Variants in TAF4B observed in about 807,000 individuals in gnomAD.
TAF4B encodes the protein TATA-box binding protein associated factor 4b.
Under a neutral mutation model 86.4 loss-of-function variants are expected in TAF4B, and 38 were observed. The observed-to-expected ratio is 0.44, with a 90% CI of 0.34 to 0.58. TAF4B has a LOEUF of 0.58. Among genes scored for constraint, TAF4B ranks in the 20% least tolerant of loss-of-function variants. TAF4B has a pLI of 0.02. For synonymous variants in TAF4B, 388 were observed against 391.2 expected (o/e 0.99, Z 0.10); for missense variants, 988 against 1,027.6 (o/e 0.96, Z 0.53).
chr18:26,233,557 A>T (rs1464961056), intron 1 of TAF4B, among the ~76,000 whole-genome samples: 1 of 152,260 alleles, frequency 6.6e-6, no homozygotes, highest in East Asian at 1.9e-4. Context: ...AATTATGCTG[A>T]TGGGATAGTA....
chr18:26,357,064 G>T (rs1403135208), intron 13 of TAF4B, among the ~76,000 whole-genome samples: 1 of 152,138 alleles, frequency 6.6e-6, no homozygotes, highest in Non-Finnish European at 1.5e-5. Flanking sequence ...AAAGTGTGAT[G>T]TACTAAAGAG....
At chr18:26,366,277 G>A (rs2057370764) in intron 14 of TAF4B, 1 of 152,134 alleles carries the variant, frequency 6.6e-6, no homozygotes, top group Non-Finnish European at 1.5e-5. Flanking sequence ...GTTTTCCAAT[G>A]CCAACATTTT....
At chr18:26,246,679 G>T (rs1025962650) in intron 1 of TAF4B, among the ~76,000 whole-genome samples, 3 of 150,708 alleles carry the variant, frequency 2.0e-5, no homozygotes, top group Non-Finnish European at 4.4e-5. Context: ...GACAACAGGT[G>T]TGTGCCACCA....
rs76158211 is a variant in TAF4B at position 26,383,039 on chromosome 18, T to C, written c.2422-6806T>C. ...AAGAGAGAATGCTATGTGCAATTAA[T>C]TGTCTGTATCAAAAAGGAAAAATAT... On this transcript the variant is annotated intron_variant, in intron 14 of 14. Coordinates refer to ENST00000269142, the MANE Select transcript of TAF4B (RefSeq NM_005640.3). 3.7e-3 allele frequency among the ~76,000 whole-genome samples: 556 copies of C among 152,200 alleles called. 1 individual carries two copies. Among genetic ancestry groups the C allele is most frequent in the Non-Finnish European group, 7.0e-3 (474 of 67,992 alleles).
At chr18:26,302,371 A>ATTTTTTTTT (rs66683595) in intron 9 of TAF4B, among the ~76,000 whole-genome samples, 25 of 93,066 alleles carry the variant, frequency 2.7e-4, no homozygotes, top group Admixed American at 4.2e-4. Flanking sequence ...TTCATATTAA[A>ATTTTTTTTT]TTTTTTTTTT....
intron 10 of TAF4B, among the ~76,000 whole-genome samples, chr18:26,318,004 A>G (rs1033948054): frequency 5.9e-5 from 9 of 152,166 alleles, no homozygotes; most frequent in Non-Finnish European, 1.0e-4. Flanking sequence ...CAATAAGGGA[A>G]CAACTATTTG....
At chr18:26,303,245 A>ACTCCCTCCACTTTCATC (rs2056758546) in intron 9 of TAF4B, among the ~76,000 whole-genome samples, 1 of 71,354 alleles carries the variant, frequency 1.4e-5, no homozygotes, top group Non-Finnish European at 2.8e-5. Flanking sequence ...CCACTTTCAT[A>ACTCCCTCCACTTTCATC]CTCCCTCCAC....
At position 26,385,062 on chromosome 18, in the gene TAF4B, TCA is replaced by T. The variant is rs568521695; in HGVS notation, c.2422-4781_2422-4780del. Among the ~76,000 whole-genome samples, 15 of 152,194 alleles carry T rather than the reference TCA, an allele frequency of 9.9e-5. 1 individual carries two copies. The South Asian group carries it at 3.1e-3, about 32-fold the overall frequency. On this transcript the variant is annotated intron_variant, in intron 14 of 14. Transcript: ENST00000269142. ...CTTGGGAGGAGAGGCCCGTATGGAG[TCA>T]CTGCAAACCCCAACAGGATTCCCGA...
At chr18:26,307,169 G>A (rs1568143018) in intron 9 of TAF4B, among the ~76,000 whole-genome samples, 2 of 152,048 alleles carry the variant, frequency 1.3e-5, no homozygotes, top group South Asian at 2.1e-4. Flanking sequence ...AAATAGTAGC[G>A]AATAATATTA....
At chr18:26,229,290 AT>A (rs2055625823) in intron 1 of TAF4B, among the ~76,000 whole-genome samples, 1 of 152,160 alleles carries the variant, frequency 6.6e-6, no homozygotes, top group Admixed American at 6.5e-5. Context: ...GTCTTTAGGA[AT>A]TGGTCGTTAT....
At chr18:26,294,348 G>GT (rs2056634627) in intron 9 of TAF4B, among the ~76,000 whole-genome samples, 1 of 151,744 alleles carries the variant, frequency 6.6e-6, no homozygotes, top group Non-Finnish European at 1.5e-5. Flanking sequence ...TATTATTGTG[G>GT]TTTTAGTTTG....
chr18:26,278,552 T>C (rs1413254518), intron 5 of TAF4B, among the ~76,000 whole-genome samples: 2 of 152,012 alleles, frequency 1.3e-5, no homozygotes, highest in Non-Finnish European at 2.9e-5. Flanking sequence ...CAAGCGATCC[T>C]GCACCCTTGG....
intron 13 of TAF4B, among the ~76,000 whole-genome samples, chr18:26,351,505 G>C (rs2057245983): frequency 6.6e-6 from 1 of 152,162 alleles, no homozygotes; most frequent in Non-Finnish European, 1.5e-5. Context: ...GGAGGCTAGT[G>C]AATGTTCTTA....
chr18:26,228,445 G>A (rs531233695), intron 1 of TAF4B, among the ~76,000 whole-genome samples: 1 of 152,212 alleles, frequency 6.6e-6, no homozygotes, highest in African/African-American at 2.4e-5. Flanking sequence ...AATTGTTAAG[G>A]CACTGTTACG....
In TAF4B at chr18:26,274,799, C is replaced by T; in HGVS notation, c.734C>T (p.Ala245Val). 1.2e-6 allele frequency: 2 copies of T among 1,614,204 alleles called. No individual in the cohort carries two copies. The highest frequency in any genetic ancestry group is 1.7e-6 in the Non-Finnish European group (2 of 1,180,030). The change falls in exon 4 of 15, where the codon GCA (alanine) becomes GTA (valine). Residue 245 changes from alanine (A) to valine (V), a missense_variant. By Grantham distance (64) the Ala-to-Val change is moderately conservative. Around this residue, in one of 3 missense-constraint regions of TAF4B, gnomAD observed 747 missense variants for 737.9 expected, o/e 1.01. Transcript: ENST00000269142. ...NEPNLKAENS[A>V]AVQINLSPTM... Reference sequence around the variant, plus strand: ...CCCAATCTTAAAGCAGAGAACTCAGCAGCTGTTCAGATTAATCTTTCTCCG... The same window carrying T: ...CCCAATCTTAAAGCAGAGAACTCAGTAGCTGTTCAGATTAATCTTTCTCCG...
rs1462837177 is a variant in TAF4B at position 26,286,059 on chromosome 18, G to A, written c.1150G>A (p.Gly384Arg). 12 of 1,614,054 alleles carry A rather than the reference G, an allele frequency of 7.4e-6. No individual in the cohort carries two copies. The highest frequency in any genetic ancestry group is 2.7e-5 in the African/African-American group (2 of 74,920). Residue 384 changes from glycine (G) to arginine (R), a missense_variant, in exon 7 of 15, where the codon GGA becomes AGA. This residue lies in a region of TAF4B where 747 missense variants were observed against 737.9 expected (regional missense o/e 1.01). Coordinates refer to ENST00000269142, the MANE Select transcript of TAF4B (RefSeq NM_005640.3). ...GTCTGAAAAGTCAATTATTGTTTCT[G>A]GAGCAACAGCACCCAGAACTGTGTC... The part of the protein sequence containing the change: ...SQSEKSIIVS[G>R]ATAPRTVSVQ...
At chr18:26,275,077 C>G (rs1482248510) in intron 5 of TAF4B, 24 bp downstream of exon 5, 1 of 1,585,994 alleles carries the variant, frequency 6.3e-7, no homozygotes, top group Admixed American at 1.9e-5. Flanking sequence ...TAAAATCCTG[C>G]AAATTCTGGA....
intron 1 of TAF4B, among the ~76,000 whole-genome samples, chr18:26,232,426 G>GC (rs1277040843): frequency 2.6e-5 from 4 of 152,162 alleles, no homozygotes. Flanking sequence ...CATTTGGGGT[G>GC]CCATTTGTAA....
chr18:26,277,182 C>T (rs528367779), intron 5 of TAF4B, among the ~76,000 whole-genome samples: 16 of 152,080 alleles, frequency 1.1e-4, no homozygotes, highest in East Asian at 1.9e-4. Flanking sequence ...CTCCTGGGAT[C>T]AAGCAATCCT....
Sources: gnomAD v4.1 joint callset for allele counts (sites outside exome capture counted in the v4.1 genomes callset) on GRCh38, gnomAD v4.1.1 for gene constraint, gnomAD v4.1.1 regional missense constraint, MANE v1.5 for transcripts, NCBI Gene and HGNC (gene_info 2026-07-23, HGNC 2026-07-21) for gene names.